LDB2: variants seen among roughly 807,000 people sequenced by gnomAD.
LDB2 encodes LIM domain-binding protein 2.
Under a neutral mutation model 44.3 loss-of-function variants are expected in LDB2, and 12 were observed. The observed-to-expected ratio is 0.27, with a 90% CI of 0.17 to 0.44. The LOEUF (loss-of-function observed/expected upper bound fraction) is 0.44. Among genes scored for constraint, LDB2 ranks in the 20% least tolerant of loss-of-function variants. The pLI is 1.00. For missense variants in LDB2, 344 were observed against 473.5 expected, an observed-to-expected ratio of 0.73 and a Z score of 2.54; for synonymous variants, 164 against 174.8, an observed-to-expected ratio of 0.94 and a Z score of 0.49.
intron 5 of LDB2, among the ~76,000 whole-genome samples, chr4:16,526,827 T>C (rs1560368354): frequency 6.6e-6 from 1 of 152,226 alleles, no homozygotes; most frequent in Non-Finnish European, 1.5e-5. Context: ...CAATGAGATC[T>C]GTCTCAGACT....
intron 1 of LDB2, among the ~76,000 whole-genome samples, chr4:16,884,580 C>T (rs1235875736): frequency 1.3e-5 from 2 of 152,112 alleles, no homozygotes; most frequent in African/African-American, 4.8e-5. Flanking sequence ...ACACCCTTTC[C>T]ACCACCCTTC....
At position 16,548,472 on chromosome 4, in the gene LDB2, G is replaced by T. The variant is rs1034954580; in HGVS notation, c.616-36368C>A. On this transcript the variant is annotated intron_variant, in intron 5 of 7. Transcript: ENST00000304523. Reference sequence around the variant, plus strand: ...CCAGACACTCTCCACTGCCCTGCAAGCTGAAGGGTAATGATCTGTTTATTA... The same window carrying T: ...CCAGACACTCTCCACTGCCCTGCAATCTGAAGGGTAATGATCTGTTTATTA... Among the ~76,000 whole-genome samples, 3 of 152,210 alleles carry T rather than the reference G, an allele frequency of 2.0e-5. No homozygotes were observed. In the East Asian group the frequency reaches 5.8e-4, roughly 29 times the overall value.
At chr4:16,682,766 T>C (rs1379904378) in intron 2 of LDB2, among the ~76,000 whole-genome samples, 2 of 152,228 alleles carry the variant, frequency 1.3e-5, no homozygotes, top group Non-Finnish European at 2.9e-5. Context: ...ACAGACTTCA[T>C]GTTGAGTCCT....
chr4:16,519,835 G>C (rs1725317426), intron 5 of LDB2, among the ~76,000 whole-genome samples: 1 of 151,890 alleles, frequency 6.6e-6, no homozygotes, highest in Non-Finnish European at 1.5e-5. Flanking sequence ...CCTGGAACTA[G>C]GTCAGCACGC....
chr4:16,579,084 C>T (rs769217074), intron 5 of LDB2, among the ~76,000 whole-genome samples: 21 of 151,942 alleles, frequency 1.4e-4, no homozygotes, highest in Non-Finnish European at 2.6e-4. Context: ...AATTGGTGCC[C>T]AAACAGAGTT....
At chr4:16,644,263 A>G (rs897419124) in intron 2 of LDB2, among the ~76,000 whole-genome samples, 3 of 152,230 alleles carry the variant, frequency 2.0e-5, no homozygotes, top group African/African-American at 7.2e-5. Flanking sequence ...CAGTGTAGAG[A>G]CACAAATGAT....
chr4:16,581,210 A>G (rs750097943), intron 5 of LDB2, among the ~76,000 whole-genome samples: 1 of 152,226 alleles, frequency 6.6e-6, no homozygotes, highest in Non-Finnish European at 1.5e-5. Context: ...GTGAATGAGT[A>G]ATGAAAGCTC....
chr4:16,669,364 A>G (rs1312254272), intron 2 of LDB2, among the ~76,000 whole-genome samples: 1 of 152,090 alleles, frequency 6.6e-6, no homozygotes, highest in East Asian at 1.9e-4. Context: ...CCTTCATCTC[A>G]GCTCCACAGA....
intron 4 of LDB2, among the ~76,000 whole-genome samples, chr4:16,588,356 AT>A (rs1717739618): frequency 6.6e-6 from 1 of 152,188 alleles, no homozygotes; most frequent in Non-Finnish European, 1.5e-5. Context: ...GTTTTATTTC[AT>A]TCCCCAGTTA....
At chr4:16,650,954 A>G (rs148683144) in intron 2 of LDB2, among the ~76,000 whole-genome samples, 1,925 of 152,272 alleles carry the variant, frequency 0.013, 23 homozygotes, top group South Asian at 0.038. Context: ...CCTAATATCT[A>G]TGGGTTATCA....
At chr4:16,590,121 A>T (rs191905309) in intron 3 of LDB2, among the ~76,000 whole-genome samples, 10 of 152,296 alleles carry the variant, frequency 6.6e-5, no homozygotes, top group African/African-American at 2.4e-4. Context: ...CTAGGGCTTC[A>T]CTAGCGGCGG....
chr4:16,875,258 C>A (rs1317928337), intron 1 of LDB2, among the ~76,000 whole-genome samples: 1 of 152,128 alleles, frequency 6.6e-6, no homozygotes, highest in East Asian at 1.9e-4. Context: ...GTTTCTGGGG[C>A]TGGCAAAATC....
chr4:16,876,919 T>TGC (rs71649991), intron 1 of LDB2, among the ~76,000 whole-genome samples: 1 of 146,338 alleles, frequency 6.8e-6, no homozygotes, highest in Non-Finnish European at 1.5e-5. Flanking sequence ...TTTTTTTTTT[T>TGC]CCTTAGAGAC....
At chr4:16,734,170 C>T (rs756451084) in intron 2 of LDB2, among the ~76,000 whole-genome samples, 5 of 152,158 alleles carry the variant, frequency 3.3e-5, no homozygotes, top group African/African-American at 4.8e-5. Flanking sequence ...CAGCACATAG[C>T]AGGTTCTCCT....
chr4:16,702,820 T>C (rs1164083434), intron 2 of LDB2, among the ~76,000 whole-genome samples: 1 of 152,182 alleles, frequency 6.6e-6, no homozygotes, highest in Non-Finnish European at 1.5e-5. Flanking sequence ...ACTCATGACC[T>C]TCCCATGACG....
chr4:16,872,650 A>T (rs1055891157), intron 1 of LDB2, among the ~76,000 whole-genome samples: 7 of 152,232 alleles, frequency 4.6e-5, no homozygotes, highest in African/African-American at 1.2e-4. Flanking sequence ...TTCTCAGGTA[A>T]ATTCATGGCA....
At chr4:16,722,023 G>C (rs1321655866) in intron 2 of LDB2, among the ~76,000 whole-genome samples, 1 of 152,136 alleles carries the variant, frequency 6.6e-6, no homozygotes, top group Non-Finnish European at 1.5e-5. Flanking sequence ...GTGTCCATGA[G>C]AGGCTGCTGG....
intron 5 of LDB2, among the ~76,000 whole-genome samples, chr4:16,584,896 G>C (rs1168370830): frequency 6.6e-6 from 1 of 152,216 alleles, no homozygotes; most frequent in African/African-American, 2.4e-5. Context: ...CCAAGATCTT[G>C]CTATAGGGTG....
intron 1 of LDB2, among the ~76,000 whole-genome samples, chr4:16,822,005 G>A (rs987118996): frequency 1.3e-5 from 2 of 151,848 alleles, no homozygotes; most frequent in Admixed American, 6.6e-5. Context: ...AGCAGGCTTA[G>A]CCCCAGAGAG....
Sources: gnomAD v4.1 joint callset for allele counts (sites outside exome capture counted in the v4.1 genomes callset) on GRCh38, gnomAD v4.1.1 for gene constraint, MANE v1.5 for transcripts, NCBI Gene and HGNC (gene_info 2026-07-23, HGNC 2026-07-21) for gene names.